ACSL5: variants seen among roughly 807,000 people sequenced by gnomAD.
The protein encoded by ACSL5 is long-chain-fatty-acid--CoA ligase 5.
A neutral mutation model predicts 84.9 loss-of-function variants in ACSL5; 50 were observed. The ratio of observed to expected loss-of-function variants is 0.59; its 90% CI spans 0.47 to 0.75. The LOEUF (loss-of-function observed/expected upper bound fraction) is 0.75. Among genes scored for constraint, ACSL5 ranks in the 30% least tolerant of loss-of-function variants. ACSL5 has a pLI of 0.00. For missense variants in ACSL5, 775 were observed against 830.4 expected (o/e 0.93, Z 0.82); for synonymous variants, 280 against 300.7 (o/e 0.93, Z 0.71).
At chr10:112,421,708 G>A (rs1564743793) in intron 15 of ACSL5, 43 bp downstream of exon 15, 2 of 1,567,888 alleles carry the variant, frequency 1.3e-6, no homozygotes, top group South Asian at 2.2e-5. Flanking sequence ...ATGGTTGGGA[G>A]AAAGGTTCTA....
chr10:112,405,967 G>A (rs969049042), intron 5 of ACSL5, among the ~76,000 whole-genome samples: 1 of 152,040 alleles, frequency 6.6e-6, no homozygotes, highest in African/African-American at 2.4e-5. Flanking sequence ...GGAGAAGAGA[G>A]GTTGGTCTTG....
chr10:112,417,044 C>T, intron 13 of ACSL5, 22 bp downstream of exon 13: 2 of 1,607,552 alleles, frequency 1.2e-6, no homozygotes, highest in Non-Finnish European at 1.7e-6. Flanking sequence ...AGGTCCTGGA[C>T]TGAAGCAGGC....
At chr10:112,391,209 G>A (rs895016897) in intron 1 of ACSL5, among the ~76,000 whole-genome samples, 3 of 152,124 alleles carry the variant, frequency 2.0e-5, no homozygotes, top group East Asian at 1.9e-4. Context: ...TGAAACCCTC[G>A]TCTCTACTAA....
At chr10:112,388,936 A>G (rs933229703) in intron 1 of ACSL5, among the ~76,000 whole-genome samples, 4 of 152,222 alleles carry the variant, frequency 2.6e-5, no homozygotes, top group African/African-American at 7.2e-5. Flanking sequence ...GACTTCGAAT[A>G]GGGTTTGAGT....
intron 1 of ACSL5, among the ~76,000 whole-genome samples, chr10:112,381,582 C>T (rs945167519): frequency 4.7e-5 from 7 of 150,448 alleles, no homozygotes; most frequent in Admixed American, 2.0e-4. Context: ...GCAGGAGAAT[C>T]GCTTGAGCCC....
At chr10:112,393,891 C>A (rs962672247) in intron 1 of ACSL5, among the ~76,000 whole-genome samples, 7 of 152,214 alleles carry the variant, frequency 4.6e-5, no homozygotes, top group African/African-American at 1.4e-4. Flanking sequence ...CTGTGAAATA[C>A]TACTTTATAG....
intron 2 of ACSL5, among the ~76,000 whole-genome samples, chr10:112,397,873 C>T (rs1698422716): frequency 6.6e-6 from 1 of 152,078 alleles, no homozygotes; most frequent in Non-Finnish European, 1.5e-5. Flanking sequence ...GTACAGAGTA[C>T]CTAGAACACA....
At position 112,408,450 on chromosome 10, in the gene ACSL5, C is replaced by T. The variant is rs140011392; in HGVS notation, c.461C>T (p.Thr154Met). 5.3e-5 allele frequency: 85 copies of T among 1,613,382 alleles called. No homozygotes were observed. Among genetic ancestry groups the T allele is most frequent in the Admixed American group, 1.3e-4 (8 of 60,000 alleles). ...EWIISELACY[T>M]YSMVAVPLYD... ...ATCATCTCCGAATTGGCTTGTTACA[C>T]GTACTCTATGGTAGCTGTACCTCTG... Residue 154 changes from threonine (T) to methionine (M), a missense_variant, in exon 6 of 21, where the codon ACG becomes ATG. Coordinates refer to ENST00000354655, the MANE Select transcript of ACSL5 (RefSeq NM_203379.2).
chr10:112,397,040 G>A (rs979163323), intron 2 of ACSL5, among the ~76,000 whole-genome samples: 3 of 151,908 alleles, frequency 2.0e-5, no homozygotes, highest in Admixed American at 6.6e-5. Flanking sequence ...TTCTCTACAC[G>A]AAACTTCATG....
chr10:112,412,189 G>A (rs375984396), intron 11 of ACSL5: 4 of 558,496 alleles, frequency 7.2e-6, no homozygotes, highest in African/African-American at 3.8e-5. Flanking sequence ...TGTCCAGGGA[G>A]GATAGTACTT....
At chr10:112,379,144 C>T (rs1849299651) in intron 1 of ACSL5, among the ~76,000 whole-genome samples, 1 of 152,062 alleles carries the variant, frequency 6.6e-6, no homozygotes, top group South Asian at 2.1e-4. Context: ...GTGGCTCATG[C>T]CAGTAATCCC....
At position 112,384,337 on chromosome 10, in the gene ACSL5, GAGGGC is replaced by G. The variant is rs1231160569; in HGVS notation, c.-30+10073_-30+10077del. 2.0e-5 allele frequency among the ~76,000 whole-genome samples: 3 copies of G among 152,066 alleles called. 1 individual carries two copies. Among genetic ancestry groups the G allele is most frequent in the Admixed American group, 2.0e-4 (3 of 15,276 alleles). On this transcript the variant is annotated intron_variant, in intron 1 of 20. Coordinates refer to ENST00000354655, the MANE Select transcript of ACSL5 (RefSeq NM_203379.2). ...ACTCCCCAATATAATGCAATCTCAC[GAGGGC>G]AGGGTTTTCCCTGCTATATCCCCAG... is the stretch of plus-strand genomic sequence containing the variant.
rs2133606852 is a variant in ACSL5 at position 112,401,531 on chromosome 10, C to G, written c.265+2522C>G. Among the ~76,000 whole-genome samples, 2 of 152,358 alleles carry G rather than the reference C, an allele frequency of 1.3e-5. 1 individual carries two copies. The highest frequency in any genetic ancestry group is 3.9e-4 in the East Asian group (2 of 5,182). Reference sequence around the variant, plus strand: ...CTTTGTAGATGGCCACAGCTTAGAACAGAACAGGTCTGAGTTGACTAAGTT... The same window carrying G: ...CTTTGTAGATGGCCACAGCTTAGAAGAGAACAGGTCTGAGTTGACTAAGTT... On this transcript the variant is annotated intron_variant, in intron 3 of 20. Transcript: ENST00000354655.
At position 112,408,565 on chromosome 10, in the gene ACSL5, C is replaced by T. The variant is rs377023031; in HGVS notation, c.532+44C>T. 3.9e-6 allele frequency: 5 copies of T among 1,269,432 alleles called. No individual in the cohort carries two copies. In the African/African-American group the frequency reaches 4.4e-5, roughly 11 times the overall value. The allele number at this position is 1,269,432 out of a possible 1,614,324, so 78.6% of individuals were successfully genotyped here. ...ATTACAACTTGATTCTTTCTCAATG[C>T]TGAGTATTTCTTCAATTTCTGCTTT... On this transcript the variant is annotated intron_variant, in intron 6 of 20. Coordinates refer to ENST00000354655, the MANE Select transcript of ACSL5 (RefSeq NM_203379.2).
Position 112,427,444 on chromosome 10 carries a change from TTCC to T in ACSL5, c.*91_*93del, listed in dbSNP as rs1293996078. ...AACTATTCTTACATTTGTTTTGCCT[TTCC>T]TCCTATTTTTTTTTAACCTGTTAAA... On this transcript the variant is annotated 3_prime_UTR_variant, in exon 21 of 21. Coordinates refer to ENST00000354655, the MANE Select transcript of ACSL5 (RefSeq NM_203379.2). 3 of 1,341,672 alleles carry T rather than the reference TTCC, an allele frequency of 2.2e-6. No individual in the cohort carries two copies. The highest frequency in any genetic ancestry group is 2.9e-5 in the Admixed American group (1 of 34,736). 83.1% of individuals were successfully genotyped at this position (1,341,672 alleles called of 1,614,324 possible). A position where few individuals can be genotyped will look rare whatever the true frequency, so the allele number is the denominator to read the frequency against.
intron 1 of ACSL5, among the ~76,000 whole-genome samples, chr10:112,388,611 G>A (rs75284788): frequency 0.015 from 2,335 of 152,254 alleles, 28 homozygotes; most frequent in Middle Eastern, 0.024. Flanking sequence ...AGGCATGGTG[G>A]GGGCATCAGA....
At chr10:112,427,009 A>G in intron 20 of ACSL5, 150 bp downstream of exon 20, 2 of 855,984 alleles carry the variant, frequency 2.3e-6, no homozygotes, top group Non-Finnish European at 3.6e-6. Context: ...AGTTACTTGT[A>G]CAGCGCCCTT....
At chr10:112,419,647 A>T (rs2133656587) in intron 14 of ACSL5, 1 of 152,330 alleles carries the variant, frequency 6.6e-6, no homozygotes, top group Admixed American at 6.5e-5. Flanking sequence ...TGGATTTCAA[A>T]CATTTGGATT....
chr10:112,422,984 C>T (rs1481768310), intron 17 of ACSL5, among the ~76,000 whole-genome samples: 4 of 148,830 alleles, frequency 2.7e-5, no homozygotes, highest in Non-Finnish European at 5.9e-5. Flanking sequence ...GTCAGGAGAT[C>T]GAGACCATCC....
Sources: gnomAD v4.1 joint callset for allele counts (sites outside exome capture counted in the v4.1 genomes callset) on GRCh38, gnomAD v4.1.1 for gene constraint, MANE v1.5 for transcripts, NCBI Gene and HGNC (gene_info 2026-07-23, HGNC 2026-07-21) for gene names.